The following S100A8 variants were observed in gnomAD, a reference collection of about 807,000 sequenced individuals.
S100A8 encodes the protein S100 calcium binding protein A8.
In S100A8, 1 loss-of-function variant was observed where a neutral mutation model predicts 4.2. The ratio of observed to expected loss-of-function variants is 0.24; its 90% CI spans 0.08 to 1.12. The LOEUF (loss-of-function observed/expected upper bound fraction) is 1.12, where lower values mean the gene tolerates loss of function less well. S100A8 is among the 50% of genes most tolerant of loss of function. The pLI is 0.53. For synonymous variants in S100A8, 41 were observed against 44.7 expected, an observed-to-expected ratio of 0.92 and a Z score of 0.33; for missense variants, 96 against 111.8, an observed-to-expected ratio of 0.86 and a Z score of 0.64.
At chr1:153,401,693 G>C in the S100A8 span, among the ~76,000 whole-genome samples, 8 of 152,104 alleles carry the variant, frequency 5.3e-5, no homozygotes, top group Non-Finnish European at 8.8e-5. Context: ...CGCTTCGGCC[G>C]CACCCAGGGT....
At chr1:153,422,003 G>C in the S100A8 span, 1 of 152,184 alleles carries the variant, frequency 6.6e-6, no homozygotes, top group Non-Finnish European at 1.5e-5. Flanking sequence ...CATCTATTCG[G>C]ATATTCTGTT....
chr1:153,408,655 A>G, the S100A8 span, among the ~76,000 whole-genome samples: 2 of 152,188 alleles, frequency 1.3e-5, no homozygotes, highest in Non-Finnish European at 2.9e-5. Context: ...CGAAAAGAGC[A>G]ACTACAAGAC....
At chr1:153,394,890 C>G (rs1301412148), upstream of S100A8, among the ~76,000 whole-genome samples, 1 of 152,172 alleles carries the variant, frequency 6.6e-6, no homozygotes, top group African/African-American at 2.4e-5. Flanking sequence ...CCCCAACACT[C>G]TTTCAAAATC....
the S100A8 span, chr1:153,422,476 C>T: frequency 3.1e-6 from 3 of 975,972 alleles, no homozygotes; most frequent in South Asian, 1.4e-4. Context: ...TATATTGGTA[C>T]TAAAGAGAAA....
chr1:153,390,264 G>A, intron 2 of S100A8, 21 bp from the exon 3 acceptor site: 1 of 1,605,754 alleles, frequency 6.2e-7, no homozygotes, highest in Non-Finnish European at 8.5e-7. Context: ...TGAGGAGGAA[G>A]AAGCCAGAGT....
At chr1:153,407,336 G>T in the S100A8 span, among the ~76,000 whole-genome samples, 2 of 152,214 alleles carry the variant, frequency 1.3e-5, no homozygotes, top group Non-Finnish European at 2.9e-5. Context: ...TGCCTGGCTC[G>T]GACAGTCCCA....
chr1:153,412,870 A>G, the S100A8 span, among the ~76,000 whole-genome samples: 1 of 152,244 alleles, frequency 6.6e-6, no homozygotes, highest in African/African-American at 2.4e-5. Context: ...CATTCTCAGC[A>G]GACTATCGCA....
chr1:153,405,594 A>G, the S100A8 span, among the ~76,000 whole-genome samples: 218 of 152,234 alleles, frequency 1.4e-3, no homozygotes, highest in African/African-American at 4.9e-3. Context: ...CCGCCTGATC[A>G]CAGGAACATC....
chr1:153,406,023 G>C, the S100A8 span, among the ~76,000 whole-genome samples: 1 of 152,118 alleles, frequency 6.6e-6, no homozygotes, highest in Non-Finnish European at 1.5e-5. Context: ...ACAGCTGGCT[G>C]TCTTGGAACA....
At chr1:153,410,194 G>T in the S100A8 span, among the ~76,000 whole-genome samples, 2 of 152,110 alleles carry the variant, frequency 1.3e-5, no homozygotes, top group Non-Finnish European at 2.9e-5. Context: ...TCCAGGAGCT[G>T]GTTTTTTGAA....
chr1:153,390,368 C>T (rs1013240106), intron 2 of S100A8, 27 bp downstream of exon 2: 5 of 1,611,764 alleles, frequency 3.1e-6, no homozygotes, highest in Non-Finnish European at 4.2e-6. Context: ...AGGCAGAGAG[C>T]CCCCGCCACA....
At chr1:153,401,990 T>A in the S100A8 span, among the ~76,000 whole-genome samples, 1 of 152,066 alleles carries the variant, frequency 6.6e-6, no homozygotes, top group African/African-American at 2.4e-5. Flanking sequence ...CTGAAATGTG[T>A]GTTAGATGGG....
chr1:153,401,883 A>T, the S100A8 span, among the ~76,000 whole-genome samples: 1 of 152,150 alleles, frequency 6.6e-6, no homozygotes, highest in Non-Finnish European at 1.5e-5. Context: ...GATTTTTGCC[A>T]GTTCTTACCA....
chr1:153,407,229 C>T, the S100A8 span, among the ~76,000 whole-genome samples: 1 of 152,208 alleles, frequency 6.6e-6, no homozygotes, highest in Non-Finnish European at 1.5e-5. Context: ...CAAGGGAAGC[C>T]GTGACAGACG....
At chr1:153,422,438 T>C in the S100A8 span, 1 of 864,024 alleles carries the variant, frequency 1.2e-6, no homozygotes, top group Non-Finnish European at 1.4e-6. Flanking sequence ...ATTTACTTGA[T>C]TTGGAATAAT....
chr1:153,418,235 T>G, the S100A8 span: 1 of 1,613,688 alleles, frequency 6.2e-7, no homozygotes, highest in Non-Finnish European at 8.5e-7. Flanking sequence ...TGAGTTGGGG[T>G]CTAGCTTCTC....
At chr1:153,415,183 T>TGC in the S100A8 span, among the ~76,000 whole-genome samples, 4 of 150,212 alleles carry the variant, frequency 2.7e-5, no homozygotes, top group Admixed American at 2.6e-4. Flanking sequence ...TGTGTGTGTG[T>TGC]GCGTGTGTGT....
At chr1:153,403,369 G>A in the S100A8 span, among the ~76,000 whole-genome samples, 3 of 152,264 alleles carry the variant, frequency 2.0e-5, no homozygotes, top group South Asian at 4.1e-4. Context: ...TTGGCTTGGC[G>A]GGCTTGTTGA....
At chr1:153,394,813 G>A (rs1035377877), upstream of S100A8, among the ~76,000 whole-genome samples, 4 of 152,144 alleles carry the variant, frequency 2.6e-5, no homozygotes, top group Non-Finnish European at 5.9e-5. Context: ...AAAGGACCAG[G>A]TGGGGAGGGA....
Sources: allele counts gnomAD v4.1 joint callset (sites outside exome capture counted in the v4.1 genomes callset), GRCh38; gene constraint gnomAD v4.1.1; transcripts MANE v1.5; gene names NCBI Gene and HGNC (gene_info 2026-07-23, HGNC 2026-07-21).